Variants in PHF6 observed in about 807,000 individuals in gnomAD.
PHF6 encodes PHD finger protein 6.
In PHF6, 7 loss-of-function variants were observed where a neutral mutation model predicts 34.0. The observed-to-expected ratio is 0.21, with a 90% CI of 0.12 to 0.39. The LOEUF (loss-of-function observed/expected upper bound fraction) is 0.39, where lower values mean the gene tolerates loss of function less well. PHF6 is among the 10% of genes least tolerant of loss of function. The pLI is 1.00. For synonymous variants in PHF6, 89 were observed against 88.4 expected, an observed-to-expected ratio of 1.01 and a Z score of -0.04; for missense variants, 128 against 262.8, an observed-to-expected ratio of 0.49 and a Z score of 3.55.
intron 5 of PHF6, among the ~76,000 whole-genome samples, chrX:134,395,744 AC>A (rs1414932477): frequency 8.9e-6 from 1 of 112,183 alleles, no homozygotes; most frequent in African/African-American, 3.2e-5. Flanking sequence ...ATAATACAAA[AC>A]AATATAGTTT....
At chrX:134,395,431 A>T (rs889517611) in intron 5 of PHF6, among the ~76,000 whole-genome samples, 11 of 112,388 alleles carry the variant, frequency 9.8e-5, no homozygotes, top group Non-Finnish European at 1.9e-4. Context: ...CTTGGTCTGT[A>T]AAAAGTATGC....
intron 3 of PHF6, 125 bp from the exon 4 acceptor site, chrX:134,393,376 G>A: frequency 1.5e-6 from 1 of 674,225 alleles, no homozygotes. Flanking sequence ...AAGAAAAGTA[G>A]CATTAATTAC....
rs1416356174 is a variant in PHF6 at position 134,426,014 on chromosome X, T to C, written c.*354T>C. 1.2e-5 allele frequency: 2 copies of C among 162,767 alleles called. No homozygotes were observed. Among genetic ancestry groups the C allele is most frequent in the Non-Finnish European group, 2.4e-5 (2 of 83,726 alleles). The allele number at this position is 162,767 out of a possible 1,213,427, so 13.4% of individuals were successfully genotyped here. On this transcript the variant is annotated 3_prime_UTR_variant, in exon 11 of 11. Coordinates refer to ENST00000370803, the MANE Select transcript of PHF6 (RefSeq NM_001015877.2). ...CATTTAAGTTTGTTTAGTGGATCCATACTCAAAGGAAAGCATAAGCAAATT... is the reference window on the plus strand; with the variant it reads ...CATTTAAGTTTGTTTAGTGGATCCACACTCAAAGGAAAGCATAAGCAAATT...
chrX:134,388,831 G>C (rs926247735), intron 3 of PHF6, among the ~76,000 whole-genome samples: 2 of 111,916 alleles, frequency 1.8e-5, no homozygotes, highest in Admixed American at 9.5e-5. Flanking sequence ...TGAGGAGCAG[G>C]TATGCCCCAG....
chrX:134,386,324 G>C (rs1344275215), intron 3 of PHF6, among the ~76,000 whole-genome samples: 1 of 110,836 alleles, frequency 9.0e-6, no homozygotes, highest in Non-Finnish European at 1.9e-5. Context: ...CGTTAGAGCA[G>C]AGGTACCTAA....
chrX:134,382,517 T>C (rs2077311776), intron 3 of PHF6, among the ~76,000 whole-genome samples: 1 of 109,922 alleles, frequency 9.1e-6, no homozygotes, highest in Non-Finnish European at 1.9e-5. Context: ...TGAAGCTAGC[T>C]GGTGAGATTA....
rs933313125 is a variant in PHF6 at position 134,425,433 on chromosome X, A to G, written c.*103A>G. 6 of 989,719 alleles carry G rather than the reference A, an allele frequency of 6.1e-6. No individual in the cohort carries two copies. In the African/African-American group the frequency reaches 9.5e-5, roughly 16 times the overall value. 81.6% of individuals were successfully genotyped at this position (989,719 alleles called of 1,213,427 possible). A position where few individuals can be genotyped will look rare whatever the true frequency, so the allele number is the denominator to read the frequency against. On this transcript the variant is annotated intron_variant, in intron 10 of 10. Transcript: ENST00000370803. ...CAGTAAGATTTTTTTTAATCCTATT[A>G]TGTTTAGTTAAGAGCATGTTACTAA...
rs748851203 is a variant in PHF6, at chrX:134,422,533, G to A, written c.969-2668G>A. Among the ~76,000 whole-genome samples the A allele has an allele frequency of 8.1e-5, 9 of 111,718 alleles. No homozygotes were observed. In the South Asian group the frequency reaches 3.0e-3, roughly 37 times the overall value. On this transcript the variant is annotated intron_variant, in intron 9 of 10. Coordinates refer to ENST00000370803, the MANE Select transcript of PHF6 (RefSeq NM_001015877.2). ...AAGGGACAAATAAGAGGAAATGCAG[G>A]GAGGAATATTTCTGAATGAAGTGGC...
intron 5 of PHF6, among the ~76,000 whole-genome samples, chrX:134,408,412 C>T (rs946815760): frequency 8.9e-6 from 1 of 111,916 alleles, no homozygotes; most frequent in African/African-American, 3.3e-5. Context: ...GGAATGAGTA[C>T]TGTCACGTGG....
chrX:134,404,197 A>G (rs1486507542), intron 5 of PHF6, among the ~76,000 whole-genome samples: 2 of 112,551 alleles, frequency 1.8e-5, no homozygotes, highest in Admixed American at 1.9e-4. Flanking sequence ...GCCATTGAGA[A>G]CATCTGTGAT....
intron 1 of PHF6, among the ~76,000 whole-genome samples, chrX:134,377,254 T>C (rs2077281579): frequency 8.9e-6 from 1 of 112,160 alleles, no homozygotes; most frequent in Non-Finnish European, 1.9e-5. Context: ...TCTGTATTTA[T>C]TACGGAGGCA....
intron 1 of PHF6, among the ~76,000 whole-genome samples, chrX:134,376,157 TTAAG>T (rs1281046401): frequency 8.9e-6 from 1 of 112,046 alleles, no homozygotes; most frequent in East Asian, 2.8e-4. Flanking sequence ...GAAATTTTGA[TTAAG>T]TATCTGAATT....
chrX:134,380,909 G>A (rs1211244600), intron 3 of PHF6, among the ~76,000 whole-genome samples: 1 of 111,890 alleles, frequency 8.9e-6, no homozygotes, highest in Non-Finnish European at 1.9e-5. Context: ...GGAGTGCAGT[G>A]GTGCGATCTC....
At position 134,384,653 on chromosome X, in the gene PHF6, C is replaced by CTTTTTCTTTTT. The variant is rs879753957; in HGVS notation, c.240+6553_240+6563dup. On this transcript the variant is annotated intron_variant, in intron 3 of 10. Transcript: ENST00000370803. ...CCTTTTCTTCTTTCTTTCTTTCTTT[C>CTTTTTCTTTTT]TTTTTCTTTTTTTTTTGAGACGGAG... 7.1e-3 allele frequency among the ~76,000 whole-genome samples: 573 copies of CTTTTTCTTTTT among 80,883 alleles called. 4 individuals are homozygous for CTTTTTCTTTTT. The highest frequency in any genetic ancestry group is 0.022 in the African/African-American group (549 of 24,905). 70.2% of individuals were successfully genotyped at this position (80,883 alleles called of 115,157 possible).
chrX:134,399,658 C>A (rs970435550), intron 5 of PHF6, among the ~76,000 whole-genome samples: 2 of 108,330 alleles, frequency 1.8e-5, no homozygotes, highest in African/African-American at 6.9e-5. Context: ...AACATACACA[C>A]ACACACACAC....
intron 3 of PHF6, among the ~76,000 whole-genome samples, chrX:134,392,356 A>C (rs980878872): frequency 3.6e-5 from 4 of 112,297 alleles, no homozygotes; most frequent in African/African-American, 1.3e-4. Flanking sequence ...TGTCATGTAC[A>C]GTTAAATGGC....
intron 5 of PHF6, among the ~76,000 whole-genome samples, chrX:134,411,645 A>G (rs2077451264): frequency 9.0e-6 from 1 of 111,603 alleles, no homozygotes. Context: ...GTATAAAACA[A>G]TGTTTTATAT....
At chrX:134,373,954 G>A (rs1373275077) in intron 1 of PHF6, among the ~76,000 whole-genome samples, 1 of 109,328 alleles carries the variant, frequency 9.1e-6, no homozygotes, top group Non-Finnish European at 1.9e-5. Flanking sequence ...GGGGGAGGGG[G>A]CATAAAGAAA....
At chrX:134,410,176 A>G (rs2077444045) in intron 5 of PHF6, among the ~76,000 whole-genome samples, 1 of 111,693 alleles carries the variant, frequency 9.0e-6, no homozygotes, top group Admixed American at 9.5e-5. Flanking sequence ...TTGCTGGGTC[A>G]AATAGTAGTT....
Sources: gnomAD v4.1 joint callset for allele counts (sites outside exome capture counted in the v4.1 genomes callset) on GRCh38, gnomAD v4.1.1 for gene constraint, MANE v1.5 for transcripts, NCBI Gene and HGNC (gene_info 2026-07-23, HGNC 2026-07-21) for gene names.